ANO6: variants seen among roughly 807,000 people sequenced by gnomAD.
ANO6 encodes anoctamin-6.
Under a neutral mutation model 117.5 loss-of-function variants are expected in ANO6, and 106 were observed. The observed-to-expected ratio is 0.90, with a 90% CI of 0.77 to 1.06. ANO6 has a LOEUF of 1.06. Among genes scored for constraint, ANO6 ranks in the 50% least tolerant of loss-of-function variants. The probability of loss-of-function intolerance (pLI) is 0.00; values close to 1 mark genes in which losing one functional copy is unlikely to be tolerated. For synonymous variants in ANO6, 367 were observed against 385.1 expected, an observed-to-expected ratio of 0.95 and a Z score of 0.55; for missense variants, 955 against 1,121.1, an observed-to-expected ratio of 0.85 and a Z score of 2.12.
chr12:45,273,136 C>CG (rs35506539), intron 1 of ANO6, among the ~76,000 whole-genome samples: 8,223 of 151,954 alleles, frequency 0.054, 531 homozygotes, highest in East Asian at 0.34. Context: ...CAGTGATTGC[C>CG]GGGGGGCTGG....
chr12:45,428,117 G>C (rs899561517), intron 19 of ANO6, among the ~76,000 whole-genome samples: 3 of 152,128 alleles, frequency 2.0e-5, no homozygotes, highest in Non-Finnish European at 4.4e-5. Context: ...CCACACTCTT[G>C]AGAAACTTGC....
chr12:45,247,070 C>T (rs1565643548), intron 1 of ANO6, among the ~76,000 whole-genome samples: 1 of 152,122 alleles, frequency 6.6e-6, no homozygotes, highest in African/African-American at 2.4e-5. Context: ...GGACTACAGA[C>T]GTTCGCCACC....
chr12:45,306,259 C>G (rs1592942335), intron 2 of ANO6, among the ~76,000 whole-genome samples: 1 of 152,166 alleles, frequency 6.6e-6, no homozygotes, highest in African/African-American at 2.4e-5. Flanking sequence ...GAAGATTCTT[C>G]TTGCCTCTGA....
intron 9 of ANO6, 141 bp from the exon 10 acceptor site, chr12:45,377,912 G>A (rs1942071496): frequency 2.5e-6 from 2 of 792,806 alleles, no homozygotes; most frequent in Non-Finnish European, 4.3e-6. Context: ...ATTGAATGAT[G>A]TATGATCATA....
chr12:45,372,393 C>T, intron 9 of ANO6, among the ~76,000 whole-genome samples: 1 of 139,354 alleles, frequency 7.2e-6, no homozygotes, highest in Non-Finnish European at 1.5e-5. Flanking sequence ...AAGAGCAACT[C>T]CAAGACACAT....
chr12:45,330,432 T>C (rs73279690), intron 2 of ANO6, among the ~76,000 whole-genome samples: 2,026 of 152,128 alleles, frequency 0.013, 39 homozygotes, highest in African/African-American at 0.047. Context: ...ATAGAAAACT[T>C]TTCAGTATCA....
chr12:45,359,129 A>G (rs1271990954), intron 8 of ANO6, among the ~76,000 whole-genome samples: 3 of 152,192 alleles, frequency 2.0e-5, no homozygotes, highest in African/African-American at 4.8e-5. Context: ...GACATTATTT[A>G]TATACCATAA....
At chr12:45,221,561 G>A (rs1947399435) in intron 1 of ANO6, among the ~76,000 whole-genome samples, 2 of 152,180 alleles carry the variant, frequency 1.3e-5, no homozygotes, top group African/African-American at 4.8e-5. Context: ...AATGAAAAGA[G>A]TGATAGGATT....
intron 15 of ANO6, among the ~76,000 whole-genome samples, chr12:45,407,324 G>GCTT: frequency 6.6e-6 from 1 of 152,174 alleles, no homozygotes; most frequent in Non-Finnish European, 1.5e-5. Context: ...AAAAAGACCT[G>GCTT]CTTCTCTGAG....
intron 1 of ANO6, among the ~76,000 whole-genome samples, chr12:45,276,678 T>C (rs1938565073): frequency 6.6e-6 from 1 of 152,180 alleles, no homozygotes; most frequent in Admixed American, 6.5e-5. Context: ...TAAAAGTACT[T>C]ATATTTAGTT....
intron 1 of ANO6, among the ~76,000 whole-genome samples, chr12:45,238,016 C>A (rs920732988): frequency 2.6e-5 from 4 of 152,116 alleles, no homozygotes; most frequent in African/African-American, 9.7e-5. Flanking sequence ...CATGATTTGG[C>A]TCTCTGTCTG....
At chr12:45,274,057 G>A (rs889073467) in intron 1 of ANO6, among the ~76,000 whole-genome samples, 10 of 152,160 alleles carry the variant, frequency 6.6e-5, no homozygotes, top group Non-Finnish European at 1.0e-4. Context: ...TCTGCTCACT[G>A]CTCACTTGTT....
In ANO6 at chr12:45,262,349, T is replaced by G. The variant is rs1455619299; in HGVS notation, c.71-39665T>G. Among the ~76,000 whole-genome samples, 3 of 152,222 alleles carry G rather than the reference T, an allele frequency of 2.0e-5. No individual in the cohort carries two copies. The South Asian group carries it at 6.2e-4, about 31-fold the overall frequency. On this transcript the variant is annotated intron_variant, in intron 1 of 19. Coordinates refer to ENST00000320560, the MANE Select transcript of ANO6 (RefSeq NM_001025356.3). ...CATAAAATTAACCATTTTAACCATT[T>G]TTAAGTGTACAATTCAGTGGCATTA...
intron 2 of ANO6, among the ~76,000 whole-genome samples, chr12:45,323,579 G>T (rs1452866179): frequency 1.3e-5 from 2 of 152,148 alleles, no homozygotes; most frequent in African/African-American, 4.8e-5. Flanking sequence ...CAGGTTTTGT[G>T]CCATTGCCTT....
At chr12:45,367,046 A>G (rs1941703127) in intron 8 of ANO6, among the ~76,000 whole-genome samples, 1 of 152,060 alleles carries the variant, frequency 6.6e-6, no homozygotes, top group South Asian at 2.1e-4. Flanking sequence ...CAGTGGCATG[A>G]TCTCAGTTCA....
intron 1 of ANO6, among the ~76,000 whole-genome samples, chr12:45,255,817 T>A (rs926362830): frequency 2.0e-5 from 2 of 98,090 alleles, no homozygotes; most frequent in Non-Finnish European, 3.9e-5. Flanking sequence ...TCTCCCTGGG[T>A]GTTTTTTTTT....
intron 19 of ANO6, among the ~76,000 whole-genome samples, chr12:45,438,251 ATGTGTGTG>A (rs58453929): frequency 3.4e-5 from 5 of 146,652 alleles, no homozygotes; most frequent in African/African-American, 5.2e-5. Context: ...ATTTGCGTGT[ATGTGTGTG>A]TGTGTGTGTG....
At position 45,403,005 on chromosome 12, in the gene ANO6, A is replaced by G. The variant is rs561186345; in HGVS notation, c.1613-67A>G. 17 of 1,441,754 alleles carry G rather than the reference A, an allele frequency of 1.2e-5. No homozygotes were observed. In the African/African-American group the frequency reaches 2.0e-4, roughly 17 times the overall value. The allele number at this position is 1,441,754 out of a possible 1,614,324, so 89.3% of individuals were successfully genotyped here. On this transcript the variant is annotated intron_variant, in intron 13 of 19. Transcript: ENST00000320560. ...TTAACGTGTTAACTCATGTATCAGT[A>G]TTTTTTATTAGAGTCTCAAAGCTGT...
intron 1 of ANO6, among the ~76,000 whole-genome samples, chr12:45,299,451 A>G (rs2137299802): frequency 6.6e-6 from 1 of 152,322 alleles, no homozygotes; most frequent in East Asian, 1.9e-4. Flanking sequence ...AGTTTTTCAG[A>G]AGAGTTAGAA....
Sources: gnomAD v4.1 joint callset for allele counts (sites outside exome capture counted in the v4.1 genomes callset) on GRCh38, gnomAD v4.1.1 for gene constraint, MANE v1.5 for transcripts, NCBI Gene and HGNC (gene_info 2026-07-23, HGNC 2026-07-21) for gene names.